Variants in AK3 observed in about 807,000 individuals in gnomAD.
AK3 encodes the protein GTP:AMP phosphotransferase AK3, mitochondrial.
In AK3, 27 loss-of-function variants were observed where a neutral mutation model predicts 23.7. The observed-to-expected ratio is 1.14, with a 90% confidence interval of 0.84 to 1.57. The LOEUF (loss-of-function observed/expected upper bound fraction) is 1.57. AK3 is among the 40% of genes most tolerant of loss of function. AK3 has a pLI of 0.00. For synonymous variants in AK3, 159 were observed against 116.0 expected, an observed-to-expected ratio of 1.37 and a Z score of -2.38; for missense variants, 406 against 285.6, an observed-to-expected ratio of 1.42 and a Z score of -3.04.
chr9:4,736,487 AC>A (rs33948374), intron 1 of AK3, among the ~76,000 whole-genome samples: 62,916 of 121,228 alleles, frequency 0.52, 13,575 homozygotes, highest in East Asian at 0.56. Context: ...AAAAAAAAAA[AC>A]AACTCCGCTT....
rs771506827 is a variant in AK3, at chr9:4,740,905, C to G, written c.151+32G>C. 7.4e-6 allele frequency: 11 copies of G among 1,493,152 alleles called. No homozygotes were observed. In the Admixed American group the frequency reaches 1.3e-4, roughly 18 times the overall value. The allele number at this position is 1,493,152 out of a possible 1,614,324, so 92.5% of individuals were successfully genotyped here. On this transcript the variant is annotated intron_variant, in intron 1 of 4. Coordinates refer to ENST00000381809, the MANE Select transcript of AK3 (RefSeq NM_016282.4). ...CCGCGAAGTCCGACCCGGGTGACAG[C>G]GCACGGCCGGCCCTGGGCCCAGAGC...
rs71326126 is a variant in AK3 at position 4,728,886 on chromosome 9, C to CATACATACAT, written c.152-6262_152-6261insATGTATGTAT. 4.2e-3 allele frequency among the ~76,000 whole-genome samples: 595 copies of CATACATACAT among 140,144 alleles called. 3 individuals are homozygous for CATACATACAT. Among genetic ancestry groups the CATACATACAT allele is most frequent in the African/African-American group, 0.015 (564 of 37,554 alleles). The allele number at this position is 140,144 out of a possible 152,430, so 91.9% of individuals were successfully genotyped here. A position where few individuals can be genotyped will look rare whatever the true frequency, so the allele number is the denominator to read the frequency against. On this transcript the variant is annotated intron_variant, in intron 1 of 4. Coordinates refer to ENST00000381809, the MANE Select transcript of AK3 (RefSeq NM_016282.4). ...ATATATACACACACACACACACATA[C>CATACATACAT]ATATATATACACATACTTATATATA...
At chr9:4,723,675 T>C (rs1230124095) in intron 1 of AK3, among the ~76,000 whole-genome samples, 1 of 152,244 alleles carries the variant, frequency 6.6e-6, no homozygotes, top group African/African-American at 2.4e-5. Context: ...TACTTTTCGG[T>C]GGTTTTATAT....
At chr9:4,729,825 G>C (rs943053771) in intron 1 of AK3, among the ~76,000 whole-genome samples, 1 of 135,298 alleles carries the variant, frequency 7.4e-6, no homozygotes, top group African/African-American at 2.6e-5. Context: ...AGAAGAGACT[G>C]TGTCTCTTAA....
chr9:4,729,047 G>A (rs1429195549), intron 1 of AK3, among the ~76,000 whole-genome samples: 1 of 118,176 alleles, frequency 8.5e-6, no homozygotes, highest in African/African-American at 3.3e-5. Context: ...TTTTGCTCTT[G>A]TTGCCCAGGC....
intron 1 of AK3, among the ~76,000 whole-genome samples, chr9:4,737,940 G>A (rs1305382140): frequency 6.6e-6 from 1 of 152,072 alleles, no homozygotes; most frequent in Non-Finnish European, 1.5e-5. Flanking sequence ...GCACCCTCAT[G>A]AAACAATGAC....
intron 1 of AK3, among the ~76,000 whole-genome samples, chr9:4,734,185 C>T (rs1842217366): frequency 6.6e-6 from 1 of 152,122 alleles, no homozygotes; most frequent in South Asian, 2.1e-4. Flanking sequence ...TCAGGGTTGC[C>T]TGCTTACAGA....
intron 1 of AK3, among the ~76,000 whole-genome samples, chr9:4,725,180 T>C (rs920921054): frequency 1.3e-5 from 2 of 151,778 alleles, no homozygotes; most frequent in African/African-American, 2.4e-5. Context: ...CCCACCACCA[T>C]GCCCAGCTAA....
At chr9:4,732,238 T>A (rs1318409981) in intron 1 of AK3, among the ~76,000 whole-genome samples, 2 of 152,202 alleles carry the variant, frequency 1.3e-5, no homozygotes, top group African/African-American at 4.8e-5. Context: ...CATGAGCCAC[T>A]GCACATGGCT....
chr9:4,727,948 A>C (rs558055383), intron 1 of AK3, among the ~76,000 whole-genome samples: 1 of 152,318 alleles, frequency 6.6e-6, no homozygotes, highest in East Asian at 1.9e-4. Flanking sequence ...AGACAAGGGA[A>C]TGGCTGGTTA....
intron 2 of AK3, among the ~76,000 whole-genome samples, chr9:4,721,009 T>C (rs1841881145): frequency 6.6e-6 from 1 of 152,188 alleles, no homozygotes; most frequent in Non-Finnish European, 1.5e-5. Flanking sequence ...CAAATGGGAA[T>C]GTTTTTCAGC....
intron 4 of AK3, among the ~76,000 whole-genome samples, chr9:4,715,230 A>AAG (rs1841691367): frequency 6.6e-6 from 1 of 150,922 alleles, no homozygotes; most frequent in African/African-American, 2.4e-5. Flanking sequence ...AAAAAAAAAA[A>AAG]AAAAAAGAAA....
intron 2 of AK3, 144 bp from the exon 3 acceptor site, chr9:4,719,451 C>G: frequency 1.3e-6 from 1 of 753,708 alleles, no homozygotes; most frequent in East Asian, 2.7e-5. Flanking sequence ...CCAGGCAGGC[C>G]GATCACAGCT....
At chr9:4,728,388 T>C (rs1842066484) in intron 1 of AK3, among the ~76,000 whole-genome samples, 1 of 151,270 alleles carries the variant, frequency 6.6e-6, no homozygotes, top group Non-Finnish European at 1.5e-5. Flanking sequence ...CTGACCAAAA[T>C]GGTGAAACCC....
chr9:4,714,908 T>G (rs1841679071), intron 4 of AK3, among the ~76,000 whole-genome samples: 2 of 152,192 alleles, frequency 1.3e-5, no homozygotes, highest in Middle Eastern at 6.8e-3. Flanking sequence ...GTTCTACGTG[T>G]GGGAGCTGAG....
At chr9:4,722,804 C>T (rs562019296) in intron 1 of AK3, among the ~76,000 whole-genome samples, 179 bp from the exon 2 acceptor site, 3 of 152,288 alleles carry the variant, frequency 2.0e-5, no homozygotes, top group African/African-American at 7.2e-5. Context: ...TACCTGTAAC[C>T]CCAGCACTTT....
At chr9:4,736,114 CAAAA>C (rs771506489) in intron 1 of AK3, among the ~76,000 whole-genome samples, 3 of 49,060 alleles carry the variant, frequency 6.1e-5, no homozygotes, top group Admixed American at 2.0e-4. Context: ...GACTCCATCT[CAAAA>C]AAAAAAAAAA....
In AK3 at chr9:4,712,881, T is replaced by G. The variant is rs142499153; in HGVS notation, c.*95A>C. 8,009 of 1,362,580 alleles carry G rather than the reference T, an allele frequency of 5.9e-3. 381 individuals carry two copies. In the African/African-American group the frequency reaches 0.095, roughly 16 times the overall value. The allele number at this position is 1,362,580 out of a possible 1,614,324, so 84.4% of individuals were successfully genotyped here. ...TAAAAGTAATATAATTTTCAAAGAA[T>G]TCATACATACTAGAAGTCTTAGGAA... On this transcript the variant is annotated 3_prime_UTR_variant, in exon 5 of 5. Transcript: ENST00000381809.
chr9:4,715,537 G>A (rs1297860360), intron 4 of AK3, among the ~76,000 whole-genome samples: 1 of 151,898 alleles, frequency 6.6e-6, no homozygotes, highest in Admixed American at 6.6e-5. Context: ...TGGGACTATA[G>A]GCATGTGCCA....
Sources: gnomAD v4.1 joint callset for allele counts (sites outside exome capture counted in the v4.1 genomes callset) on GRCh38, gnomAD v4.1.1 for gene constraint, MANE v1.5 for transcripts, NCBI Gene and HGNC (gene_info 2026-07-23, HGNC 2026-07-21) for gene names.